The following ADAMTS20 variants were observed in gnomAD, a reference collection of about 807,000 sequenced individuals.
ADAMTS20 encodes the protein A disintegrin and metalloproteinase with thrombospondin motifs 20.
In ADAMTS20, 225 loss-of-function variants were observed where a neutral mutation model predicts 260.1. The ratio of observed to expected loss-of-function variants is 0.87; its 90% CI spans 0.78 to 0.97. ADAMTS20 has a LOEUF of 0.97. Among genes scored for constraint, ADAMTS20 ranks in the 50% least tolerant of loss-of-function variants. The pLI, the probability that ADAMTS20 is intolerant of heterozygous loss-of-function variation, is 0.00. For synonymous variants in ADAMTS20, 802 were observed against 769.5 expected, an observed-to-expected ratio of 1.04 and a Z score of -0.70; for missense variants, 2,400 against 2,337.7, an observed-to-expected ratio of 1.03 and a Z score of -0.55.
At chr12:43,511,330 TG>T (rs1339025342) in intron 3 of ADAMTS20, among the ~76,000 whole-genome samples, 1 of 152,048 alleles carries the variant, frequency 6.6e-6, no homozygotes, top group Non-Finnish European at 1.5e-5. Flanking sequence ...TGAGATATAA[TG>T]GATCCTCACT....
intron 4 of ADAMTS20, among the ~76,000 whole-genome samples, chr12:43,495,108 T>C (rs900849514): frequency 6.6e-6 from 1 of 152,144 alleles, no homozygotes; most frequent in Non-Finnish European, 1.5e-5. Flanking sequence ...AAATATATAA[T>C]CACAAAAATA....
rs770392906 is a variant in ADAMTS20, at chr12:43,428,443, G to A, written c.3743C>T (p.Pro1248Leu). 5 of 1,613,904 alleles carry A rather than the reference G, an allele frequency of 3.1e-6. No individual in the cohort carries two copies. The East Asian group carries it at 1.1e-4, about 36-fold the overall frequency. The change falls in exon 26 of 39, where the codon CCT becomes CTT. Residue 1248 changes from proline (P) to leucine (L), a missense_variant. Transcript: ENST00000389420. ...CTGTTCCATCAAAGGGCGAACTTCA[G>A]GATCACAGTAATTCTCATCAATTGG... Reference protein sequence around the residue: ...HQPIDENYCDPEVRPLMEQEC... With the variant: ...HQPIDENYCDLEVRPLMEQEC...
At chr12:43,438,180 G>A (rs918530618) in intron 18 of ADAMTS20, among the ~76,000 whole-genome samples, 9 of 152,028 alleles carry the variant, frequency 5.9e-5, no homozygotes, top group African/African-American at 2.2e-4. Flanking sequence ...CTCCCAAATC[G>A]TCTCCCACCA....
intron 28 of ADAMTS20, among the ~76,000 whole-genome samples, chr12:43,416,713 G>A (rs1422663512): frequency 6.6e-6 from 1 of 151,762 alleles, no homozygotes; most frequent in African/African-American, 2.4e-5. Context: ...TAGTAGAGAC[G>A]GGGTTTCACC....
At chr12:43,443,697 G>A (rs976695873) in intron 16 of ADAMTS20, 94 bp downstream of exon 16, 2 of 953,802 alleles carry the variant, frequency 2.1e-6, no homozygotes, top group East Asian at 4.8e-5. Context: ...CTTGCTAAAG[G>A]GACTCCTGTT....
At chr12:43,498,798 G>A (rs754053348) in intron 4 of ADAMTS20, among the ~76,000 whole-genome samples, 5 of 152,108 alleles carry the variant, frequency 3.3e-5, no homozygotes, top group Non-Finnish European at 7.4e-5. Flanking sequence ...AGGACTGAAG[G>A]GTTTCCAAGG....
chr12:43,434,350 G>A lies in ADAMTS20; in HGVS notation c.2615C>T (p.Thr872Ile), dbSNP rs370653700. 9.7e-5 allele frequency: 154 copies of A among 1,586,856 alleles called. No homozygotes were observed. The Middle Eastern group carries it at 1.2e-3, about 12-fold the overall frequency. The change falls in exon 19 of 39, where the codon ACT becomes ATT. Residue 872 changes from threonine (T) to isoleucine (I), a missense_variant. Thr to Ile is a moderately conservative substitution (Grantham distance 89, BLOSUM62 -1). Coordinates refer to ENST00000389420, the MANE Select transcript of ADAMTS20 (RefSeq NM_025003.5). ...ACTATGATCACTCTTATGTATGCAA[G>A]TTATGTTTCTTCGCTGAAGACCTTG... ...MCQGLQRRNI[T>I]CIHKSDHSVV...
intron 4 of ADAMTS20, among the ~76,000 whole-genome samples, chr12:43,494,800 A>T (rs1183040670): frequency 6.6e-6 from 1 of 152,188 alleles, no homozygotes; most frequent in Non-Finnish European, 1.5e-5. Flanking sequence ...AAAAAAAAGC[A>T]CACCTGTAAT....
chr12:43,460,988 A>ATATATATATATTTTTTTTTTTTT, intron 11 of ADAMTS20, among the ~76,000 whole-genome samples: 1 of 26,394 alleles, frequency 3.8e-5, no homozygotes, highest in Non-Finnish European at 6.7e-5. Flanking sequence ...ATATATATAT[A>ATATATATATATTTTTTTTTTTTT]TTTTTTTTTT....
At chr12:43,515,388 T>C (rs1942983798) in intron 3 of ADAMTS20, among the ~76,000 whole-genome samples, 1 of 152,194 alleles carries the variant, frequency 6.6e-6, no homozygotes, top group Non-Finnish European at 1.5e-5. Flanking sequence ...TGAATATTTG[T>C]TTAAAAAGTC....
At chr12:43,414,906 C>G (rs1203012126) in intron 28 of ADAMTS20, among the ~76,000 whole-genome samples, 1 of 151,974 alleles carries the variant, frequency 6.6e-6, no homozygotes, top group East Asian at 1.9e-4. Context: ...TTGTAGGTCC[C>G]ACATTAAAAA....
At chr12:43,422,808 C>T (rs1463474906) in intron 28 of ADAMTS20, 1 of 151,968 alleles carries the variant, frequency 6.6e-6, no homozygotes, top group African/African-American at 2.4e-5. Flanking sequence ...TTTTCTTGGT[C>T]ATTTGTTTTT....
intron 8 of ADAMTS20, among the ~76,000 whole-genome samples, chr12:43,467,227 C>A: frequency 6.6e-6 from 1 of 152,034 alleles, no homozygotes; most frequent in Non-Finnish European, 1.5e-5. Flanking sequence ...CCAATTCTCA[C>A]CATTCTACAG....
intron 9 of ADAMTS20, among the ~76,000 whole-genome samples, chr12:43,465,905 G>C (rs563065472): frequency 6.6e-6 from 1 of 151,890 alleles, no homozygotes; most frequent in Non-Finnish European, 1.5e-5. Context: ...TCATAAAGAG[G>C]GAATTAGAAA....
chr12:43,486,868 A>G (rs1372387798), intron 7 of ADAMTS20, among the ~76,000 whole-genome samples: 4 of 152,208 alleles, frequency 2.6e-5, no homozygotes, highest in African/African-American at 4.8e-5. Flanking sequence ...TAAAACTACA[A>G]TGAGATACCA....
chr12:43,405,759 C>T (rs778277437), intron 28 of ADAMTS20, among the ~76,000 whole-genome samples: 1 of 152,032 alleles, frequency 6.6e-6, no homozygotes, highest in Non-Finnish European at 1.5e-5. Context: ...TTTTTCAAAA[C>T]ATAATAATTT....
Position 43,430,425 on chromosome 12 carries a change from C to T in ADAMTS20, c.3308G>A (p.Cys1103Tyr), listed in dbSNP as rs1000688365. The T allele has an allele frequency of 2.5e-6, 4 of 1,613,100 alleles. No individual in the cohort carries two copies. In the African/African-American group the frequency reaches 5.3e-5, roughly 22 times the overall value. Residue 1103 changes from cysteine (C) to tyrosine (Y), a missense_variant, in exon 23 of 39, where the codon TGT becomes TAT. Transcript: ENST00000389420. ...CACTGCACTAGCTAGCTCATTGACA[C>T]ATTTAACATCTCGCATCTGATACCC... ...GHGYQMRDVKCVNELASAVLE... is the reference protein window; with the variant it reads ...GHGYQMRDVKYVNELASAVLE...
At chr12:43,464,534 T>C in intron 10 of ADAMTS20, 57 bp downstream of exon 10, 2 of 1,567,878 alleles carry the variant, frequency 1.3e-6, no homozygotes, top group Non-Finnish European at 1.7e-6. Context: ...TTGAAATATA[T>C]TCTAAGATAA....
intron 29 of ADAMTS20, among the ~76,000 whole-genome samples, chr12:43,393,251 A>C (rs1356600795): frequency 6.6e-6 from 1 of 152,072 alleles, no homozygotes; most frequent in Admixed American, 6.6e-5. Context: ...AACTAATATA[A>C]GCATGTCAAA....
Sources: gnomAD v4.1 joint callset for allele counts (sites outside exome capture counted in the v4.1 genomes callset) on GRCh38, gnomAD v4.1.1 for gene constraint, MANE v1.5 for transcripts, NCBI Gene and HGNC (gene_info 2026-07-23, HGNC 2026-07-21) for gene names.